Variants in EYS observed in about 807,000 individuals in gnomAD.
EYS encodes the protein protein eyes shut homolog.
Under a neutral mutation model 282.1 loss-of-function variants are expected in EYS, and 250 were observed. That is an observed-to-expected ratio of 0.89 (90% CI 0.80 to 0.98). The LOEUF (loss-of-function observed/expected upper bound fraction) is 0.98. Among genes scored for constraint, EYS ranks in the 50% least tolerant of loss-of-function variants. EYS has a pLI of 0.00. For synonymous variants in EYS, 1,355 were observed against 1,282.9 expected, an observed-to-expected ratio of 1.06 and a Z score of -1.20; for missense variants, 4,016 against 3,709.0, an observed-to-expected ratio of 1.08 and a Z score of -2.15.
intron 22 of EYS, among the ~76,000 whole-genome samples, chr6:64,751,079 A>G (rs1262989170): frequency 6.6e-6 from 1 of 151,698 alleles, no homozygotes; most frequent in Non-Finnish European, 1.5e-5. Flanking sequence ...AAGCCTGGGC[A>G]TATCTCCTGG....
intron 15 of EYS, among the ~76,000 whole-genome samples, chr6:64,933,353 C>G (rs887907924): frequency 6.6e-6 from 1 of 151,982 alleles, no homozygotes; most frequent in African/African-American, 2.4e-5. Flanking sequence ...CAAAAGGAGA[C>G]ATTTATGTGG....
chr6:64,864,385 C>CTTTGTTTTTTTTTTTTTTTTTTT (rs1766349014), intron 19 of EYS, among the ~76,000 whole-genome samples: 1 of 57,166 alleles, frequency 1.7e-5, no homozygotes, highest in Non-Finnish European at 3.6e-5. Flanking sequence ...GCTATACCTT[C>CTTTGTTTTTTTTTTTTTTTTTTT]TTTTTTTTTT....
chr6:63,916,930 A>G (rs1432317225), intron 35 of EYS, among the ~76,000 whole-genome samples: 1 of 152,238 alleles, frequency 6.6e-6, no homozygotes, highest in Non-Finnish European at 1.5e-5. Context: ...AGGAACAATT[A>G]ATCTTGTCTC....
chr6:63,736,356 T>G (rs1439157888), intron 41 of EYS, among the ~76,000 whole-genome samples: 1 of 152,174 alleles, frequency 6.6e-6, no homozygotes, highest in Non-Finnish European at 1.5e-5. Flanking sequence ...CCTTTCCCCA[T>G]TGCTTGTTTT....
chr6:64,636,456 C>T (rs528231925), intron 22 of EYS, among the ~76,000 whole-genome samples: 7 of 152,326 alleles, frequency 4.6e-5, no homozygotes, highest in African/African-American at 1.7e-4. Flanking sequence ...GGATTAAAGA[C>T]TTACATGTTA....
rs190841801 is a variant in EYS at position 65,119,815 on chromosome 6, T to C, written c.2024-62088A>G. Among the ~76,000 whole-genome samples, 3 of 151,824 alleles carry C rather than the reference T, an allele frequency of 2.0e-5. No homozygotes were observed. In the East Asian group the frequency reaches 5.8e-4, roughly 30 times the overall value. ...CTGGAAGGTAGTGGCTGAGCTGTAA[T>C]TGTGACACTGCATTCCAGCCTGGGT... On this transcript the variant is annotated intron_variant, in intron 12 of 42. Transcript: ENST00000503581.
At chr6:64,025,728 G>A (rs548140913) in intron 33 of EYS, among the ~76,000 whole-genome samples, 35 of 152,150 alleles carry the variant, frequency 2.3e-4, no homozygotes, top group Non-Finnish European at 4.0e-4. Context: ...GATATGGGGA[G>A]CCTCAGAAAG....
At chr6:64,720,017 T>C (rs1244089155) in intron 22 of EYS, among the ~76,000 whole-genome samples, 1 of 152,212 alleles carries the variant, frequency 6.6e-6, no homozygotes, top group Non-Finnish European at 1.5e-5. Context: ...AACACTAGTG[T>C]CTTGAAACAA....
chr6:64,697,034 A>T (rs138564131), intron 22 of EYS, among the ~76,000 whole-genome samples: 2 of 152,214 alleles, frequency 1.3e-5, no homozygotes, highest in Admixed American at 1.3e-4. Flanking sequence ...AATGCTTAAC[A>T]TTACAACAGG....
intron 1 of EYS, among the ~76,000 whole-genome samples, chr6:65,687,105 A>C (rs1769049154): frequency 6.6e-6 from 1 of 152,060 alleles, no homozygotes; most frequent in Non-Finnish European, 1.5e-5. Context: ...TAGCCATATT[A>C]CTGTTCTTCT....
At chr6:63,924,131 T>C (rs1181106936) in intron 35 of EYS, among the ~76,000 whole-genome samples, 2 of 152,248 alleles carry the variant, frequency 1.3e-5, no homozygotes, top group Non-Finnish European at 2.9e-5. Flanking sequence ...CATATGATTT[T>C]ACATGTCACT....
chr6:64,590,031 C>A (rs1052154421), intron 26 of EYS, among the ~76,000 whole-genome samples, 192 bp downstream of exon 26: 1 of 152,034 alleles, frequency 6.6e-6, no homozygotes, highest in Non-Finnish European at 1.5e-5. Context: ...GATCTGGTAG[C>A]CTTTGTGGCA....
intron 39 of EYS, chr6:63,786,114 G>A (rs928747367): frequency 6.6e-6 from 1 of 151,356 alleles, no homozygotes; most frequent in African/African-American, 2.4e-5. Context: ...GAGAGGCTAA[G>A]GTGGGAGGAT....
chr6:64,539,910 C>G (rs1287602430), intron 26 of EYS, among the ~76,000 whole-genome samples: 1 of 152,140 alleles, frequency 6.6e-6, no homozygotes, highest in African/African-American at 2.4e-5. Context: ...ATGTCTTTGG[C>G]CTTGGAAGCA....
intron 5 of EYS, chr6:65,489,549 A>G (rs929829117): frequency 2.0e-4 from 31 of 152,324 alleles, no homozygotes; most frequent in African/African-American, 7.5e-4. Flanking sequence ...TAGTCCAACC[A>G]TTGTGGAAGA....
At chr6:64,641,411 C>T (rs1255274211) in intron 22 of EYS, among the ~76,000 whole-genome samples, 1 of 152,304 alleles carries the variant, frequency 6.6e-6, no homozygotes, top group East Asian at 1.9e-4. Flanking sequence ...GGTGTGGACA[C>T]AGCCAAACCA....
chr6:64,982,033 A>G (rs1046430043), intron 14 of EYS, among the ~76,000 whole-genome samples: 8 of 151,524 alleles, frequency 5.3e-5, no homozygotes, highest in Admixed American at 4.0e-4. Flanking sequence ...TTGTAGCAAG[A>G]GAAATCAAGA....
chr6:65,071,927 TC>T (rs1259891374), intron 12 of EYS, among the ~76,000 whole-genome samples: 1 of 151,790 alleles, frequency 6.6e-6, no homozygotes, highest in Non-Finnish European at 1.5e-5. Flanking sequence ...AGGAATTGCA[TC>T]CCTTTTTGCT....
chr6:65,620,770 T>A (rs1188465194), intron 2 of EYS, among the ~76,000 whole-genome samples: 1 of 151,940 alleles, frequency 6.6e-6, no homozygotes, highest in Non-Finnish European at 1.5e-5. Flanking sequence ...TCTCATTGGT[T>A]TCAAAGAACA....
Sources: gnomAD v4.1 joint callset for allele counts (sites outside exome capture counted in the v4.1 genomes callset) on GRCh38, gnomAD v4.1.1 for gene constraint, MANE v1.5 for transcripts, NCBI Gene and HGNC (gene_info 2026-07-23, HGNC 2026-07-21) for gene names.